IFI16: variants seen among roughly 807,000 people sequenced by gnomAD.
IFI16 encodes the protein gamma-interferon-inducible protein 16.
A neutral mutation model predicts 68.4 loss-of-function variants in IFI16; 49 were observed. The ratio of observed to expected loss-of-function variants is 0.72; its 90% confidence interval spans 0.57 to 0.91. The LOEUF is 0.91. IFI16 is among the 40% of genes least tolerant of loss of function. The pLI, the probability that IFI16 is intolerant of heterozygous loss-of-function variation, is 0.00. For missense variants in IFI16, 878 were observed against 942.9 expected (o/e 0.93, Z 0.90); for synonymous variants, 307 against 315.0 (o/e 0.97, Z 0.27).
chr1:159,049,863 A>G (rs1194671784), intron 9 of IFI16, among the ~76,000 whole-genome samples: 2 of 152,166 alleles, frequency 1.3e-5, no homozygotes, highest in African/African-American at 4.8e-5. Flanking sequence ...TTTTCCCTCA[A>G]TACATCATGA....
chr1:159,000,649 T>G (rs1360165421), intron 1 of IFI16, among the ~76,000 whole-genome samples: 1 of 152,182 alleles, frequency 6.6e-6, no homozygotes, highest in Non-Finnish European at 1.5e-5. Flanking sequence ...CAATTTAAAT[T>G]TTTTGACATG....
At chr1:159,000,647 A>G (rs368788177) in intron 1 of IFI16, among the ~76,000 whole-genome samples, 6 of 152,308 alleles carry the variant, frequency 3.9e-5, no homozygotes, top group Admixed American at 2.6e-4. Flanking sequence ...TGCAATTTAA[A>G]TTTTTTGACA....
At chr1:159,048,206 C>A (rs542579074) in intron 8 of IFI16, among the ~76,000 whole-genome samples, 2 of 151,254 alleles carry the variant, frequency 1.3e-5, no homozygotes, top group African/African-American at 4.8e-5. Context: ...CCTAATAGAT[C>A]GTGGAAAAAT....
At chr1:159,018,672 C>G (rs775102736) in intron 5 of IFI16, 21 bp downstream of exon 5, 1 of 1,537,736 alleles carries the variant, frequency 6.5e-7, no homozygotes, top group Non-Finnish European at 8.8e-7. Context: ...AAAATTGTTT[C>G]GTTTCATTTT....
intron 8 of IFI16, 92 bp from the exon 9 acceptor site, chr1:159,049,340 C>T: frequency 1.5e-6 from 1 of 659,412 alleles, no homozygotes; most frequent in Non-Finnish European, 2.5e-6. Context: ...AGTGAACATC[C>T]TATTTAAAAA....
chr1:159,037,372 A>G (rs977568293), intron 7 of IFI16, among the ~76,000 whole-genome samples: 8 of 152,196 alleles, frequency 5.3e-5, no homozygotes, highest in Non-Finnish European at 1.0e-4. Context: ...TCACTCTAAG[A>G]TTCACCAGCT....
At chr1:159,049,671 G>A (rs1309762892) in intron 9 of IFI16, 72 bp downstream of exon 9, 27 of 1,587,096 alleles carry the variant, frequency 1.7e-5, no homozygotes, top group Non-Finnish European at 2.2e-5. Flanking sequence ...AACCGTGAAA[G>A]CACCTCACCA....
At chr1:159,026,457 C>A (rs539486183) in intron 6 of IFI16, among the ~76,000 whole-genome samples, 49 of 152,188 alleles carry the variant, frequency 3.2e-4, no homozygotes, top group African/African-American at 1.1e-3. Flanking sequence ...TGCCACCACG[C>A]CTGGCTAATT....
chr1:159,019,629 T>G, intron 5 of IFI16, among the ~76,000 whole-genome samples: 1 of 152,080 alleles, frequency 6.6e-6, no homozygotes, highest in Middle Eastern at 3.2e-3. Context: ...TGGCTAAATT[T>G]TTTGTATTTT....
intron 2 of IFI16, 34 bp downstream of exon 2, chr1:159,014,979 A>G: frequency 6.4e-7 from 1 of 1,558,574 alleles, no homozygotes; most frequent in South Asian, 1.2e-5. Context: ...ACTCCCTGCA[A>G]CCATCCCCAA....
At chr1:159,050,573 CA>C (rs1213947415) in intron 9 of IFI16, among the ~76,000 whole-genome samples, 3 of 152,176 alleles carry the variant, frequency 2.0e-5, no homozygotes, top group Non-Finnish European at 4.4e-5. Flanking sequence ...TCTTCCAGGT[CA>C]GATCACATTG....
At chr1:159,016,767 G>T in intron 4 of IFI16, 67 bp downstream of exon 4, 1 of 1,397,812 alleles carries the variant, frequency 7.2e-7, no homozygotes, top group Non-Finnish European at 9.9e-7. Context: ...GATTTCACCG[G>T]TTACTTAAAA....
At chr1:159,041,966 A>ATGT (rs1218689914) in intron 7 of IFI16, among the ~76,000 whole-genome samples, 1 of 152,184 alleles carries the variant, frequency 6.6e-6, no homozygotes, top group Non-Finnish European at 1.5e-5. Flanking sequence ...GGGACATGTG[A>ATGT]TGTTTTCTTA....
At chr1:159,024,589 T>A (rs1444787143) in intron 6 of IFI16, among the ~76,000 whole-genome samples, 2 of 152,122 alleles carry the variant, frequency 1.3e-5, no homozygotes, top group Non-Finnish European at 2.9e-5. Context: ...GAGCAGAAAA[T>A]CGATGCCTTG....
chr1:159,028,067 T>C (rs190402954), intron 6 of IFI16, among the ~76,000 whole-genome samples: 135 of 150,624 alleles, frequency 9.0e-4, no homozygotes, highest in African/African-American at 3.1e-3. Flanking sequence ...TCGTGTTTGG[T>C]TTGTTCTTGT....
upstream of IFI16, chr1:159,009,900 C>T (rs541749194): frequency 3.9e-4 from 60 of 152,290 alleles, no homozygotes; most frequent in African/African-American, 1.3e-3. Context: ...ACATTGTTTC[C>T]TACTCCATTT....
chr1:159,014,669 A>G lies in IFI16; in HGVS notation c.-12A>G, dbSNP rs770757372. 2 of 1,581,344 alleles carry G rather than the reference A, an allele frequency of 1.3e-6. No individual in the cohort carries two copies. Among genetic ancestry groups the G allele is most frequent in the South Asian group, 1.2e-5 (1 of 86,236 alleles). On this transcript the variant is annotated 5_prime_UTR_variant, in exon 2 of 12. The change abolishes an upstream ATG in the 5' untranslated region. Transcript: ENST00000295809. ...ACCATTTTCTCTTGTAGGCTCACTT[A>G]TGTCTGTAAAGATGGGAAAAAAATA...
In IFI16 at chr1:159,030,213, T is replaced by A. The variant is rs151125375; in HGVS notation, c.1162-2311T>A. 4.5e-3 allele frequency among the ~76,000 whole-genome samples: 681 copies of A among 152,310 alleles called. 2 individuals are homozygous for A. The highest frequency in any genetic ancestry group is 7.7e-3 in the Non-Finnish European group (525 of 68,030). On this transcript the variant is annotated intron_variant, in intron 6 of 11. Coordinates refer to ENST00000295809, the MANE Select transcript of IFI16 (RefSeq NM_001376587.1). ...TCCATCCATATCCTGTAACATTTTT[T>A]AAATTTCTTTAAGTTGGTATTCATC...
At chr1:159,031,994 G>C (rs934383087) in intron 6 of IFI16, among the ~76,000 whole-genome samples, 5 of 152,060 alleles carry the variant, frequency 3.3e-5, no homozygotes, top group Non-Finnish European at 7.4e-5. Flanking sequence ...TCATAAGATT[G>C]GTTTAAAAAT....
Sources: gnomAD v4.1 joint callset for allele counts (sites outside exome capture counted in the v4.1 genomes callset) on GRCh38, gnomAD v4.1.1 for gene constraint, MANE v1.5 for transcripts, NCBI Gene and HGNC (gene_info 2026-07-23, HGNC 2026-07-21) for gene names.